The following GGA2 variants were observed in gnomAD, a reference collection of about 807,000 sequenced individuals.
GGA2 encodes ADP-ribosylation factor-binding protein GGA2.
GGA2 carries 48 observed loss-of-function variants against 79.5 expected under a neutral mutation model. That is an observed-to-expected ratio of 0.60 (90% CI 0.48 to 0.77). The LOEUF is 0.77. GGA2 is among the 30% of genes least tolerant of loss of function. GGA2 has a pLI of 0.00. For synonymous variants in GGA2, 317 were observed against 302.0 expected, an observed-to-expected ratio of 1.05 and a Z score of -0.51; for missense variants, 770 against 774.0, an observed-to-expected ratio of 0.99 and a Z score of 0.06.
upstream of GGA2, among the ~76,000 whole-genome samples, chr16:23,511,205 T>C (rs1435858580): frequency 3.9e-5 from 6 of 151,974 alleles, no homozygotes; most frequent in Non-Finnish European, 8.8e-5. Context: ...TAGGCTGGAG[T>C]GCAGGGGTGC....
chr16:23,484,364 G>A (rs1468411732), intron 8 of GGA2, among the ~76,000 whole-genome samples: 2 of 152,140 alleles, frequency 1.3e-5, no homozygotes, highest in Non-Finnish European at 2.9e-5. Flanking sequence ...GTCGTGCGGA[G>A]CTGAGATCAC....
At chr16:23,481,589 A>G (rs1464071444) in intron 9 of GGA2, among the ~76,000 whole-genome samples, 26 of 152,080 alleles carry the variant, frequency 1.7e-4, no homozygotes, top group Non-Finnish European at 2.9e-5. Flanking sequence ...CCTGGCCAAC[A>G]TGGCAAAACT....
At chr16:23,499,600 T>C (rs766351449) in intron 1 of GGA2, among the ~76,000 whole-genome samples, 35 of 152,172 alleles carry the variant, frequency 2.3e-4, no homozygotes, top group African/African-American at 8.0e-4. Flanking sequence ...TCAAGATTTA[T>C]TGGTAATCCC....
intron 1 of GGA2, among the ~76,000 whole-genome samples, chr16:23,505,639 A>G (rs1964966531): frequency 6.6e-6 from 1 of 151,758 alleles, no homozygotes; most frequent in Non-Finnish European, 1.5e-5. Context: ...CAGGTCCCCC[A>G]TTCACCCTCC....
At chr16:23,488,960 T>C (rs1964749162) in intron 5 of GGA2, among the ~76,000 whole-genome samples, 1 of 152,180 alleles carries the variant, frequency 6.6e-6, no homozygotes, top group Non-Finnish European at 1.5e-5. Flanking sequence ...AGGCCTGCAG[T>C]CTGTGGGCCT....
intron 5 of GGA2, 129 bp downstream of exon 5, chr16:23,491,548 A>C (rs1200947046): frequency 1.3e-5 from 7 of 522,544 alleles, no homozygotes; most frequent in African/African-American, 2.1e-5. Flanking sequence ...AAAAAAAAAA[A>C]CTCTACCTCA....
intron 1 of GGA2, among the ~76,000 whole-genome samples, chr16:23,502,928 C>A (rs968111315): frequency 6.6e-6 from 1 of 152,166 alleles, no homozygotes; most frequent in African/African-American, 2.4e-5. Context: ...TGTGAGATGT[C>A]AGATTAAGTT....
At chr16:23,497,639 T>C (rs1414909615) in intron 1 of GGA2, among the ~76,000 whole-genome samples, 1 of 152,214 alleles carries the variant, frequency 6.6e-6, no homozygotes, top group African/African-American at 2.4e-5. Context: ...CTTAAAATCC[T>C]ATCTACCCTT....
At chr16:23,471,982 C>T (rs1303880412) in intron 14 of GGA2, among the ~76,000 whole-genome samples, 1 of 151,816 alleles carries the variant, frequency 6.6e-6, no homozygotes, top group Admixed American at 6.6e-5. Flanking sequence ...CTGAAAATAC[C>T]AGTGGGGTAT....
intron 1 of GGA2, among the ~76,000 whole-genome samples, chr16:23,497,453 TGTCACGTGGAA>T (rs1340189580): frequency 6.6e-6 from 1 of 152,204 alleles, no homozygotes; most frequent in Non-Finnish European, 1.5e-5. Context: ...GTCACATTTA[TGTCACGTGGAA>T]GTCATGTGTC....
intron 10 of GGA2, chr16:23,480,327 G>A (rs1191145296): frequency 6.2e-6 from 2 of 321,998 alleles, no homozygotes; most frequent in Non-Finnish European, 1.2e-5. Context: ...CAGCTGACCT[G>A]GCACTAGGAA....
chr16:23,494,523 G>A (rs543297132), intron 2 of GGA2, 145 bp from the exon 3 acceptor site: 16 of 664,444 alleles, frequency 2.4e-5, no homozygotes, highest in Non-Finnish European at 4.1e-5. Flanking sequence ...CAGGCCACGC[G>A]GGGGCCCTGG....
In GGA2 at chr16:23,465,802, G is replaced by A. The variant is rs898822989; in HGVS notation, c.*1788C>T. The A allele has an allele frequency of 3.8e-5, 7 of 186,112 alleles. No homozygotes were observed. Among genetic ancestry groups the A allele is most frequent in the Admixed American group, 5.4e-5 (1 of 18,392 alleles). The allele number at this position is 186,112 out of a possible 1,614,324, so 11.5% of individuals were successfully genotyped here. A position where few individuals can be genotyped will look rare whatever the true frequency, so the allele number is the denominator to read the frequency against. On this transcript the variant is annotated 3_prime_UTR_variant, in exon 17 of 17. Coordinates refer to ENST00000309859, the MANE Select transcript of GGA2 (RefSeq NM_015044.4). ...CTAAAAATACAAAAATTAGCTGGGC[G>A]TGCTGGCTCACGCCTGTAGTCCCAG... is the stretch of plus-strand genomic sequence containing the variant.
upstream of GGA2, among the ~76,000 whole-genome samples, chr16:23,511,016 CGTGTGTGTGT>C (rs145140640): frequency 0.014 from 416 of 28,856 alleles, 8 homozygotes; most frequent in Non-Finnish European, 0.025. Context: ...TGGGTTTCAC[CGTGTGTGTGT>C]GTGTGTGTGT....
At position 23,479,773 on chromosome 16, in the gene GGA2, G is replaced by A; in HGVS notation, c.1121C>T (p.Ala374Val). ...VVPSLLHQDL[A>V]ALGISDAPVT... Reference sequence around the variant, plus strand: ...CAAGCACCTGCCCTCACCCAAGGCTGCCAGGTCCTGATGAAGCAAAGATGG... The same window carrying A: ...CAAGCACCTGCCCTCACCCAAGGCTACCAGGTCCTGATGAAGCAAAGATGG... The change falls in exon 11 of 17, where the codon GCA becomes GTA. Residue 374 changes from alanine to valine, a missense_variant. Ala to Val is a moderately conservative substitution (Grantham distance 64, BLOSUM62 0). Transcript: ENST00000309859. 6.2e-7 allele frequency: 1 copy of A among 1,613,980 alleles called. No individual in the cohort carries two copies. The highest frequency in any genetic ancestry group is 8.5e-7 in the Non-Finnish European group (1 of 1,179,970).
intron 1 of GGA2, among the ~76,000 whole-genome samples, chr16:23,508,769 A>G (rs913613709): frequency 1.8e-4 from 27 of 152,132 alleles, no homozygotes; most frequent in African/African-American, 6.5e-4. Flanking sequence ...TCCAGTGCCA[A>G]CCAGCTGCCT....
intron 1 of GGA2, among the ~76,000 whole-genome samples, chr16:23,509,651 A>C (rs1965012908): frequency 6.6e-6 from 1 of 151,856 alleles, no homozygotes; most frequent in Non-Finnish European, 1.5e-5. Flanking sequence ...TGTGAAGCTT[A>C]CAGGAGACAT....
intron 1 of GGA2, among the ~76,000 whole-genome samples, chr16:23,498,785 CA>C (rs1404889541): frequency 1.3e-5 from 2 of 152,156 alleles, no homozygotes; most frequent in Non-Finnish European, 2.9e-5. Flanking sequence ...GGGCAGAAGC[CA>C]TATCTTCCCT....
chr16:23,521,978 C>A, exon 1 of GGA2: 1 of 360,482 alleles, frequency 2.8e-6, no homozygotes, highest in Non-Finnish European at 5.5e-6. Flanking sequence ...CCTCGGTTTC[C>A]ATATCTGTAA....
Sources: gnomAD v4.1 joint callset for allele counts (sites outside exome capture counted in the v4.1 genomes callset) on GRCh38, gnomAD v4.1.1 for gene constraint, MANE v1.5 for transcripts, NCBI Gene and HGNC (gene_info 2026-07-23, HGNC 2026-07-21) for gene names.